Variants in RPSA2 observed in about 807,000 individuals in gnomAD.
RPSA2 encodes the protein ribosomal protein SA 2, also known as small ribosomal subunit protein uS2B.
At chr19:23,860,175 A>G in the RPSA2 span, among the ~76,000 whole-genome samples, 1 of 152,188 alleles carries the variant, frequency 6.6e-6, no homozygotes, top group Admixed American at 6.5e-5. Context: ...ATGGCTCATA[A>G]CACCCTACAG....
At chr19:23,861,992 A>C in the RPSA2 span, among the ~76,000 whole-genome samples, 148 of 151,944 alleles carry the variant, frequency 9.7e-4, no homozygotes, top group African/African-American at 3.1e-3. Flanking sequence ...CATGATATTG[A>C]TTCTTCCTAC....
At chr19:23,826,297 ATTC>A in the RPSA2 span, among the ~76,000 whole-genome samples, 1 of 151,734 alleles carries the variant, frequency 6.6e-6, no homozygotes, top group Non-Finnish European at 1.5e-5. Context: ...GGTTCAAGCA[ATTC>A]TCACGCCTCA....
the RPSA2 span, among the ~76,000 whole-genome samples, chr19:23,870,183 CA>C: frequency 6.6e-6 from 1 of 152,162 alleles, no homozygotes; most frequent in African/African-American, 2.4e-5. Context: ...TTTCTTTGGT[CA>C]CACTAATCAC....
chr19:23,856,149 G>T, the RPSA2 span, among the ~76,000 whole-genome samples: 1 of 151,946 alleles, frequency 6.6e-6, no homozygotes. Context: ...GTAGAGAGAG[G>T]GTTGCCAGAT....
chr19:23,844,480 T>A, the RPSA2 span, among the ~76,000 whole-genome samples: 1 of 152,156 alleles, frequency 6.6e-6, no homozygotes. Context: ...TGGCTATTTG[T>A]ATGTCTTTAT....
the RPSA2 span, among the ~76,000 whole-genome samples, chr19:23,815,144 G>A: frequency 1.3e-5 from 2 of 152,098 alleles, no homozygotes; most frequent in Non-Finnish European, 2.9e-5. Context: ...CCACCCAGCT[G>A]GCATTCTTAA....
At chr19:23,797,785 CTTTTCTGCT>C in the RPSA2 span, among the ~76,000 whole-genome samples, 1 of 152,194 alleles carries the variant, frequency 6.6e-6, no homozygotes, top group East Asian at 1.9e-4. Flanking sequence ...ACACCTTTCT[CTTTTCTGCT>C]TTTTCTTCCG....
At chr19:23,774,572 G>A in the RPSA2 span, among the ~76,000 whole-genome samples, 5 of 152,190 alleles carry the variant, frequency 3.3e-5, no homozygotes, top group African/African-American at 1.2e-4. Context: ...TGAGTCTCCT[G>A]TATGGACCCT....
the RPSA2 span, among the ~76,000 whole-genome samples, chr19:23,762,611 G>C: frequency 2.2e-4 from 32 of 148,826 alleles, no homozygotes; most frequent in Admixed American, 1.8e-3. Flanking sequence ...GGGAGGAGGA[G>C]GTTGCAGTGA....
chr19:23,770,296 C>T, the RPSA2 span, among the ~76,000 whole-genome samples: 39 of 152,088 alleles, frequency 2.6e-4, no homozygotes, highest in Non-Finnish European at 2.9e-4. Flanking sequence ...TCACCACCTA[C>T]GTGTTATGAC....
the RPSA2 span, among the ~76,000 whole-genome samples, chr19:23,799,649 T>TG: frequency 1.9e-5 from 1 of 51,994 alleles, no homozygotes; most frequent in Non-Finnish European, 4.0e-5. Flanking sequence ...CGGAGTACTG[T>TG]AACCCCGTCC....
chr19:23,773,955 T>C, the RPSA2 span, among the ~76,000 whole-genome samples: 148,959 of 152,300 alleles, frequency 0.98, 72,941 homozygotes, highest in Middle Eastern at 1. Flanking sequence ...TGCACCTTCC[T>C]GCAGGTTTAA....
At chr19:23,773,878 A>C in the RPSA2 span, among the ~76,000 whole-genome samples, 1 of 152,172 alleles carries the variant, frequency 6.6e-6, no homozygotes, top group African/African-American at 2.4e-5. Flanking sequence ...CTTAGACACA[A>C]TATATAGGAA....
chr19:23,849,037 A>G, the RPSA2 span, among the ~76,000 whole-genome samples: 1 of 152,260 alleles, frequency 6.6e-6, no homozygotes, highest in Non-Finnish European at 1.5e-5. Context: ...ACCAGTATCC[A>G]GATTCCTTCT....
the RPSA2 span, among the ~76,000 whole-genome samples, chr19:23,784,337 C>T: frequency 5.3e-5 from 8 of 152,216 alleles, no homozygotes; most frequent in Non-Finnish European, 7.3e-5. Flanking sequence ...GTCACCCTCA[C>T]ACATGGGCAG....
chr19:23,869,556 A>G, the RPSA2 span, among the ~76,000 whole-genome samples: 1 of 152,170 alleles, frequency 6.6e-6, no homozygotes, highest in African/African-American at 2.4e-5. Flanking sequence ...CTAAAGGTCA[A>G]CTAGATGGAA....
At chr19:23,848,788 C>T in the RPSA2 span, among the ~76,000 whole-genome samples, 4 of 152,146 alleles carry the variant, frequency 2.6e-5, no homozygotes, top group Non-Finnish European at 5.9e-5. Flanking sequence ...TTGATTGATG[C>T]CTTGTTGAGA....
the RPSA2 span, among the ~76,000 whole-genome samples, chr19:23,766,142 CCTTTTTTTTT>C: frequency 1.8e-4 from 8 of 43,260 alleles, no homozygotes; most frequent in East Asian, 4.8e-4. Context: ...TATTTCATTT[CCTTTTTTTTT>C]TTTTTTTTTT....
chr19:23,815,249 T>A, the RPSA2 span, among the ~76,000 whole-genome samples: 1 of 152,228 alleles, frequency 6.6e-6, no homozygotes, highest in Non-Finnish European at 1.5e-5. Flanking sequence ...AGTTTTGTAC[T>A]CATGTGTTAA....
Sources: gnomAD v4.1 joint callset for allele counts (sites outside exome capture counted in the v4.1 genomes callset) on GRCh38, gnomAD v4.1.1 for gene constraint, MANE v1.5 for transcripts, NCBI Gene and HGNC (gene_info 2026-07-23, HGNC 2026-07-21) for gene names.